The following ASCC3 variants were observed in gnomAD, a reference collection of about 807,000 sequenced individuals.
The protein encoded by ASCC3 is activating signal cointegrator 1 complex subunit 3.
In ASCC3, 158 loss-of-function variants were observed where a neutral mutation model predicts 256.3. The ratio of observed to expected loss-of-function variants is 0.62; its 90% CI spans 0.54 to 0.70. ASCC3 has a LOEUF of 0.70. Among genes scored for constraint, ASCC3 ranks in the 30% least tolerant of loss-of-function variants. The pLI is 0.00. For missense variants in ASCC3, 2,259 were observed against 2,626.0 expected (o/e 0.86, Z 3.05); for synonymous variants, 948 against 883.4 (o/e 1.07, Z -1.30).
intron 8 of ASCC3, among the ~76,000 whole-genome samples, chr6:100,781,311 A>G (rs1010619420): frequency 1.3e-5 from 2 of 152,132 alleles, no homozygotes; most frequent in African/African-American, 4.8e-5. Context: ...ATAGTTATTC[A>G]CTGAAGTTGC....
chr6:100,653,588 A>G (rs951086702), intron 17 of ASCC3, among the ~76,000 whole-genome samples: 5 of 151,154 alleles, frequency 3.3e-5, no homozygotes, highest in South Asian at 2.1e-4. Context: ...CAGTGAGCCA[A>G]GATCATGCCA....
At chr6:100,811,274 C>T (rs983654222) in intron 4 of ASCC3, among the ~76,000 whole-genome samples, 4 of 151,996 alleles carry the variant, frequency 2.6e-5, no homozygotes, top group Non-Finnish European at 5.9e-5. Flanking sequence ...CATTAAAGTG[C>T]TAAATTATAG....
chr6:100,538,944 A>G (rs1049336312), intron 37 of ASCC3, among the ~76,000 whole-genome samples: 6 of 152,088 alleles, frequency 3.9e-5, no homozygotes, highest in Admixed American at 3.3e-4. Flanking sequence ...TCCTTTAGGT[A>G]TTCTTCCCCC....
intron 4 of ASCC3, among the ~76,000 whole-genome samples, chr6:100,831,287 T>C (rs1216267382): frequency 6.7e-6 from 1 of 150,010 alleles, no homozygotes; most frequent in Admixed American, 6.7e-5. Flanking sequence ...ATGATAAAGA[T>C]GGCACAAAAT....
intron 30 of ASCC3, among the ~76,000 whole-genome samples, chr6:100,612,522 C>T (rs529825287): frequency 6.6e-6 from 1 of 152,036 alleles, no homozygotes; most frequent in East Asian, 1.9e-4. Context: ...CTGAAATGCT[C>T]AATAAAAGAT....
intron 3 of ASCC3, among the ~76,000 whole-genome samples, chr6:100,853,696 C>T (rs575152292): frequency 1.3e-5 from 2 of 152,084 alleles, no homozygotes; most frequent in Non-Finnish European, 2.9e-5. Context: ...CTCCTGAGTT[C>T]GGGTGATCCA....
intron 37 of ASCC3, 130 bp downstream of exon 37, chr6:100,540,033 C>A: frequency 1.2e-6 from 1 of 830,148 alleles, no homozygotes; most frequent in South Asian, 1.4e-5. Flanking sequence ...TTGATATGAT[C>A]AACCAGTTGT....
intron 14 of ASCC3, 65 bp from the exon 15 acceptor site, chr6:100,662,601 G>A: frequency 6.9e-7 from 1 of 1,458,620 alleles, no homozygotes; most frequent in Non-Finnish European, 9.6e-7. Context: ...TAGCATTTCT[G>A]TTGTATGAGT....
intron 16 of ASCC3, among the ~76,000 whole-genome samples, chr6:100,656,640 C>T (rs1172637553): frequency 2.0e-5 from 3 of 151,122 alleles, no homozygotes; most frequent in East Asian, 3.8e-4. Flanking sequence ...AATTTAAAAA[C>T]ACAACAATAG....
intron 30 of ASCC3, among the ~76,000 whole-genome samples, chr6:100,617,544 T>C (rs1041642047): frequency 2.6e-5 from 4 of 152,170 alleles, no homozygotes; most frequent in African/African-American, 9.7e-5. Context: ...TGCTATTTGC[T>C]TCTATTTTCA....
intron 13 of ASCC3, among the ~76,000 whole-genome samples, chr6:100,687,024 T>TCACACACA (rs1241682611): frequency 1.3e-5 from 1 of 79,146 alleles, no homozygotes; most frequent in Admixed American, 1.4e-4. Context: ...TCTCTCTCTC[T>TCACACACA]CTCTCTCTCT....
At chr6:100,769,966 A>C (rs1781841871) in intron 8 of ASCC3, among the ~76,000 whole-genome samples, 1 of 151,900 alleles carries the variant, frequency 6.6e-6, no homozygotes, top group Non-Finnish European at 1.5e-5. Flanking sequence ...CCACAAAAAA[A>C]CCTCCAGGGC....
At chr6:100,836,893 A>G (rs1771903711) in intron 4 of ASCC3, among the ~76,000 whole-genome samples, 1 of 152,034 alleles carries the variant, frequency 6.6e-6, no homozygotes, top group Non-Finnish European at 1.5e-5. Flanking sequence ...GAGACTTTTT[A>G]TTACTGATTT....
chr6:100,838,952 C>T (rs1772009626), intron 4 of ASCC3, among the ~76,000 whole-genome samples: 1 of 151,876 alleles, frequency 6.6e-6, no homozygotes, highest in Non-Finnish European at 1.5e-5. Context: ...ATCTAATAAC[C>T]ATACTTATTT....
chr6:100,676,489 G>C (rs554261528), intron 14 of ASCC3, among the ~76,000 whole-genome samples: 3 of 152,182 alleles, frequency 2.0e-5, no homozygotes, highest in African/African-American at 7.2e-5. Context: ...TGCCCAGGGA[G>C]AGCCCCAAGC....
At chr6:100,852,009 G>C (rs1268829566) in intron 3 of ASCC3, among the ~76,000 whole-genome samples, 1 of 152,186 alleles carries the variant, frequency 6.6e-6, no homozygotes, top group East Asian at 1.9e-4. Context: ...ATGAGATGAC[G>C]TATGTAGGCG....
chr6:100,577,044 A>C (rs1170930594), intron 36 of ASCC3, among the ~76,000 whole-genome samples: 1 of 151,432 alleles, frequency 6.6e-6, no homozygotes, highest in African/African-American at 2.4e-5. Flanking sequence ...AAAAAAGCCC[A>C]CAATACTCTG....
intron 13 of ASCC3, among the ~76,000 whole-genome samples, chr6:100,680,550 A>G (rs1294532418): frequency 6.6e-6 from 1 of 152,148 alleles, no homozygotes; most frequent in East Asian, 1.9e-4. Context: ...GATAAAAATT[A>G]TTTTCTCATA....
chr6:100,792,258 C>T (rs1162655971), intron 8 of ASCC3, among the ~76,000 whole-genome samples: 1 of 151,820 alleles, frequency 6.6e-6, no homozygotes, highest in African/African-American at 2.4e-5. Flanking sequence ...ACAAACAGTG[C>T]TAATTGGGTA....
Sources: gnomAD v4.1 joint callset for allele counts (sites outside exome capture counted in the v4.1 genomes callset) on GRCh38, gnomAD v4.1.1 for gene constraint, MANE v1.5 for transcripts, NCBI Gene and HGNC (gene_info 2026-07-23, HGNC 2026-07-21) for gene names.